Variants in KATNBL1 observed in about 807,000 individuals in gnomAD.
The protein encoded by KATNBL1 is KATNB1-like protein 1.
In KATNBL1, 28 loss-of-function variants were observed where a neutral mutation model predicts 44.7. The ratio of observed to expected loss-of-function variants is 0.63; its 90% CI spans 0.46 to 0.86. The LOEUF (loss-of-function observed/expected upper bound fraction) is 0.86. Among genes scored for constraint, KATNBL1 ranks in the 40% least tolerant of loss-of-function variants. The pLI, the probability that KATNBL1 is intolerant of heterozygous loss-of-function variation, is 0.00. For synonymous variants in KATNBL1, 78 were observed against 114.9 expected (o/e 0.68, Z 2.06); for missense variants, 272 against 350.7 (o/e 0.78, Z 1.79).
At chr15:34,144,779 C>T (rs1888260003) in intron 9 of KATNBL1, among the ~76,000 whole-genome samples, 1 of 152,178 alleles carries the variant, frequency 6.6e-6, no homozygotes, top group Admixed American at 6.5e-5. Context: ...ACCAACCAGG[C>T]TGGTCTCGAA....
intron 1 of KATNBL1, among the ~76,000 whole-genome samples, chr15:34,182,091 AC>A (rs1226398924): frequency 1.3e-5 from 2 of 151,938 alleles, no homozygotes; most frequent in Non-Finnish European, 2.9e-5. Context: ...AACAACGAAA[AC>A]AAGTAAGAGT....
chr15:34,208,221 T>G (rs536486009), intron 1 of KATNBL1, among the ~76,000 whole-genome samples: 3 of 152,336 alleles, frequency 2.0e-5, no homozygotes, highest in Admixed American at 6.5e-5. Context: ...CTGTATCCAA[T>G]GTGTAGTCTT....
chr15:34,154,971 G>A (rs954095146), intron 2 of KATNBL1: 8 of 399,156 alleles, frequency 2.0e-5, no homozygotes, highest in Non-Finnish European at 3.2e-5. Flanking sequence ...CAGAGTGGCG[G>A]GGTGAGCAGT....
chr15:34,200,421 TG>T (rs1567539793), intron 1 of KATNBL1, among the ~76,000 whole-genome samples: 2 of 71,722 alleles, frequency 2.8e-5, no homozygotes, highest in East Asian at 4.4e-4. Flanking sequence ...CCCAGCTAAT[TG>T]TTTTTTTTTT....
chr15:34,199,799 C>G (rs1373246252), intron 1 of KATNBL1: 1 of 152,088 alleles, frequency 6.6e-6, no homozygotes, highest in African/African-American at 2.4e-5. Context: ...CGGACCCAAA[C>G]AGTGAGCAAC....
chr15:34,172,235 A>C (rs929302235), intron 1 of KATNBL1, among the ~76,000 whole-genome samples: 2 of 142,852 alleles, frequency 1.4e-5, no homozygotes, highest in African/African-American at 5.1e-5. Context: ...CGTAAAACAG[A>C]GTCCTTGGGA....
intron 2 of KATNBL1, among the ~76,000 whole-genome samples, chr15:34,161,083 T>G (rs1026933516): frequency 2.0e-5 from 3 of 152,140 alleles, no homozygotes; most frequent in Admixed American, 2.0e-4. Flanking sequence ...CTGTATGAGG[T>G]GACTACGAAA....
At chr15:34,162,691 C>G (rs1043250833) in intron 2 of KATNBL1, among the ~76,000 whole-genome samples, 8 of 152,106 alleles carry the variant, frequency 5.3e-5, no homozygotes, top group Non-Finnish European at 1.2e-4. Context: ...CTCACTGTAG[C>G]CTTAACGCCC....
chr15:34,189,309 C>A (rs1203267222), intron 1 of KATNBL1, among the ~76,000 whole-genome samples: 1 of 152,234 alleles, frequency 6.6e-6, no homozygotes, highest in Non-Finnish European at 1.5e-5. Context: ...CAGGCGTGAG[C>A]CACTGCACCT....
rs57229186 is a variant in KATNBL1, at chr15:34,151,942, C to CT, written c.438+847dup. On this transcript the variant is annotated intron_variant, in intron 4 of 9. Transcript: ENST00000256544. ...CTGGATAACTGGCTTCGGTGGTCCA[C>CT]TTTTTTTTTTTTTTTTGAGATGGAG... Among the ~76,000 whole-genome samples the CT allele has an allele frequency of 5.0e-3, 693 of 139,424 alleles. 5 individuals are homozygous for CT. Among genetic ancestry groups the CT allele is most frequent in the Admixed American group, 0.018 (257 of 13,934 alleles). The allele number at this position is 139,424 out of a possible 152,430, so 91.5% of individuals were successfully genotyped here.
chr15:34,198,650 G>T (rs1394955853), intron 1 of KATNBL1, among the ~76,000 whole-genome samples: 1 of 152,148 alleles, frequency 6.6e-6, no homozygotes, highest in East Asian at 1.9e-4. Flanking sequence ...TATAGCAGGT[G>T]GAACTTATCA....
At chr15:34,156,147 C>T (rs1888630487) in intron 2 of KATNBL1, among the ~76,000 whole-genome samples, 1 of 152,160 alleles carries the variant, frequency 6.6e-6, no homozygotes, top group Non-Finnish European at 1.5e-5. Context: ...TTGGTGAGCT[C>T]TTGGAAAGTC....
chr15:34,198,488 TAG>T (rs1419601963), intron 1 of KATNBL1, among the ~76,000 whole-genome samples: 1 of 152,252 alleles, frequency 6.6e-6, no homozygotes, highest in Non-Finnish European at 1.5e-5. Flanking sequence ...CAAAGATATT[TAG>T]AGTCATTTTA....
At chr15:34,195,223 A>C (rs1889996472) in intron 1 of KATNBL1, among the ~76,000 whole-genome samples, 1 of 152,236 alleles carries the variant, frequency 6.6e-6, no homozygotes, top group African/African-American at 2.4e-5. Context: ...GGACTGGATA[A>C]AGAAAATGTG....
chr15:34,170,726 G>C (rs1889132584), intron 1 of KATNBL1, among the ~76,000 whole-genome samples: 1 of 152,166 alleles, frequency 6.6e-6, no homozygotes, highest in African/African-American at 2.4e-5. Context: ...CATGGTACTG[G>C]TACCAAAACA....
intron 1 of KATNBL1, among the ~76,000 whole-genome samples, chr15:34,203,184 A>G (rs1890213517): frequency 6.6e-6 from 1 of 152,154 alleles, no homozygotes; most frequent in Admixed American, 6.6e-5. Flanking sequence ...TCCCTAACTC[A>G]GTAAACGGAA....
At position 34,151,436 on chromosome 15, in the gene KATNBL1, CTTTTTTTTTTTTTT is replaced by C. The variant is rs58824450; in HGVS notation, c.438+1340_438+1353del. Among the ~76,000 whole-genome samples, 48 of 60,710 alleles carry C rather than the reference CTTTTTTTTTTTTTT, an allele frequency of 7.9e-4. 1 individual carries two copies. The highest frequency in any genetic ancestry group is 3.0e-3 in the South Asian group (5 of 1,668). The allele number at this position is 60,710 out of a possible 152,430, so 39.8% of individuals were successfully genotyped here. On this transcript the variant is annotated intron_variant, in intron 4 of 9. Coordinates refer to ENST00000256544, the MANE Select transcript of KATNBL1 (RefSeq NM_024713.3). ...AAGTGTCTATTGTGTCCTTTGCCTA[CTTTTTTTTTTTTTT>C]TTTTTTTTTTTTTTTTTTTGAGACA... is the stretch of plus-strand genomic sequence containing the variant.
chr15:34,150,699 C>A (rs1888442984), intron 4 of KATNBL1, among the ~76,000 whole-genome samples: 1 of 152,208 alleles, frequency 6.6e-6, no homozygotes, highest in Non-Finnish European at 1.5e-5. Context: ...CAGATTATTT[C>A]ATCACACAGG....
chr15:34,207,194 T>C (rs1386679766), intron 1 of KATNBL1, among the ~76,000 whole-genome samples: 1 of 151,582 alleles, frequency 6.6e-6, no homozygotes, highest in Non-Finnish European at 1.5e-5. Flanking sequence ...CGCATGCCAC[T>C]ACACCTGCCT....
Sources: gnomAD v4.1 joint callset for allele counts (sites outside exome capture counted in the v4.1 genomes callset) on GRCh38, gnomAD v4.1.1 for gene constraint, MANE v1.5 for transcripts, NCBI Gene and HGNC (gene_info 2026-07-23, HGNC 2026-07-21) for gene names.